Variants in MFAP3 observed in about 807,000 individuals in gnomAD.
The protein encoded by MFAP3 is microfibril-associated glycoprotein 3.
MFAP3 carries 8 observed loss-of-function variants against 20.5 expected under a neutral mutation model. The observed-to-expected ratio is 0.39, with a 90% CI of 0.23 to 0.70. MFAP3 has a LOEUF of 0.70. Among genes scored for constraint, MFAP3 ranks in the 30% least tolerant of loss-of-function variants. The probability of loss-of-function intolerance (pLI) is 0.44; values close to 1 mark genes in which losing one functional copy is unlikely to be tolerated. For synonymous variants in MFAP3, 140 were observed against 154.0 expected (o/e 0.91, Z 0.67); for missense variants, 398 against 444.6 (o/e 0.90, Z 0.94).
In MFAP3 at chr5:154,057,315, T is replaced by A. The variant is rs919209861; in HGVS notation, c.*3602T>A. Reference sequence around the variant, plus strand: ...CATTTCACAAAAGTAAATAAGTATTTCATATAATTCAGAGGATGTTTAAAT... The same window carrying A: ...CATTTCACAAAAGTAAATAAGTATTACATATAATTCAGAGGATGTTTAAAT... On this transcript the variant is annotated 3_prime_UTR_variant, in exon 3 of 3. Coordinates refer to ENST00000522782, the MANE Select transcript of MFAP3 (RefSeq NM_005927.5). 1.3e-5 allele frequency among the ~76,000 whole-genome samples: 2 copies of A among 152,242 alleles called. No homozygotes were observed. The highest frequency in any genetic ancestry group is 4.8e-5 in the African/African-American group (2 of 41,468).
intron 1 of MFAP3, among the ~76,000 whole-genome samples, chr5:154,042,670 G>A (rs959971414): frequency 1.3e-5 from 2 of 152,070 alleles, no homozygotes; most frequent in South Asian, 2.1e-4. Flanking sequence ...CCCCTTTGCC[G>A]ATTCAGAATG....
chr5:154,049,616 G>C lies in MFAP3; in HGVS notation c.-107G>C, dbSNP rs1581864690. The C allele has an allele frequency of 5.2e-6, 6 of 1,148,634 alleles. No individual in the cohort carries two copies. The African/African-American group carries it at 6.2e-5, about 12-fold the overall frequency. The allele number at this position is 1,148,634 out of a possible 1,614,324, so 71.2% of individuals were successfully genotyped here. A position where few individuals can be genotyped will look rare whatever the true frequency, so the allele number is the denominator to read the frequency against. ...GAAAATATAACTGGATCTACCACTT[G>C]TTTGGAAAATTTCTCTACCAAGCAA... On this transcript the variant is annotated 5_prime_UTR_variant, in exon 2 of 3. Coordinates refer to ENST00000522782, the MANE Select transcript of MFAP3 (RefSeq NM_005927.5).
chr5:154,049,011 C>T (rs749313767), intron 1 of MFAP3, among the ~76,000 whole-genome samples: 1 of 152,198 alleles, frequency 6.6e-6, no homozygotes, highest in Non-Finnish European at 1.5e-5. Context: ...AAACAACCCA[C>T]CTCAGGTGTC....
rs1773241558 is a variant in MFAP3 at position 154,053,175 on chromosome 5, T to C, written c.551T>C (p.Ile184Thr). The C allele has an allele frequency of 6.2e-7, 1 of 1,613,924 alleles. No homozygotes were observed. The highest frequency in any genetic ancestry group is 8.5e-7 in the Non-Finnish European group (1 of 1,179,908). Reference protein sequence around the residue: ...SSHLRKTEKAINEFFRTEGAE... With the variant: ...SSHLRKTEKATNEFFRTEGAE... ...CATCTTCGCAAGACTGAGAAGGCTA[T>C]CAATGAGTTCTTTAGAACTGAAGGG... is the stretch of plus-strand genomic sequence containing the variant. The change falls in exon 3 of 3, where the codon ATC becomes ACC. Residue 184 changes from isoleucine (I) to threonine (T), a missense_variant. By Grantham distance (89) the Ile-to-Thr change is moderately conservative. Coordinates refer to ENST00000522782, the MANE Select transcript of MFAP3 (RefSeq NM_005927.5).
At chr5:154,047,504 G>T (rs1034113903) in intron 1 of MFAP3, among the ~76,000 whole-genome samples, 7 of 152,014 alleles carry the variant, frequency 4.6e-5, no homozygotes, top group African/African-American at 1.7e-4. Flanking sequence ...GAGTTGTGGG[G>T]GGCTTTTTGT....
intron 1 of MFAP3, 94 bp from the exon 2 acceptor site, chr5:154,049,463 T>G: frequency 2.5e-6 from 1 of 398,292 alleles, no homozygotes; most frequent in South Asian, 3.1e-5. Flanking sequence ...CAGCACCAAT[T>G]ATTCTAATTA....
At chr5:154,041,168 C>T (rs1004595853) in intron 1 of MFAP3, among the ~76,000 whole-genome samples, 15 of 150,356 alleles carry the variant, frequency 1.0e-4, no homozygotes, top group African/African-American at 2.9e-4. Flanking sequence ...AGAGGGTGGG[C>T]ATGAGAGGGT....
chr5:154,057,275 A>G lies in MFAP3; in HGVS notation c.*3562A>G, dbSNP rs9159. ...TGCTCAGCCTTACATAGAAACTCCTAGATTTTCACTAACGCATTTCACAAA... is the reference window on the plus strand; with the variant it reads ...TGCTCAGCCTTACATAGAAACTCCTGGATTTTCACTAACGCATTTCACAAA... On this transcript the variant is annotated 3_prime_UTR_variant, in exon 3 of 3. Transcript: ENST00000522782. 0.036 allele frequency among the ~76,000 whole-genome samples: 5,478 copies of G among 152,294 alleles called. 246 individuals carry two copies. Among genetic ancestry groups the G allele is most frequent in the African/African-American group, 0.1 (4,210 of 41,550 alleles).
In MFAP3 at chr5:154,055,341, A is replaced by G. The variant is rs1581869759; in HGVS notation, c.*1628A>G. Among the ~76,000 whole-genome samples, 1 of 152,208 alleles carries G rather than the reference A, an allele frequency of 6.6e-6. No homozygotes were observed. Among genetic ancestry groups the G allele is most frequent in the East Asian group, 1.9e-4 (1 of 5,200 alleles). ...CCCTTTGTCCAGGCTTATCAGAAGTAATACATCTGCTCTGAATAGCATGAA... is the reference window on the plus strand; with the variant it reads ...CCCTTTGTCCAGGCTTATCAGAAGTGATACATCTGCTCTGAATAGCATGAA... On this transcript the variant is annotated 3_prime_UTR_variant, in exon 3 of 3. Coordinates refer to ENST00000522782, the MANE Select transcript of MFAP3 (RefSeq NM_005927.5).
intron 2 of MFAP3, among the ~76,000 whole-genome samples, chr5:154,052,201 G>A (rs771149859): frequency 6.6e-6 from 1 of 151,900 alleles, no homozygotes; most frequent in African/African-American, 2.4e-5. Flanking sequence ...CATCTTAAGG[G>A]CAACTTTATT....
chr5:154,043,516 G>A lies in MFAP3; in HGVS notation c.-167+4505G>A, dbSNP rs369004907. On this transcript the variant is annotated intron_variant, in intron 1 of 2. Transcript: ENST00000522782. ...CAGTGAGCCGAGATCTCACCATTGC[G>A]CTCCAGCCTGGGCAACAAGAGCGAA... Among the ~76,000 whole-genome samples, 81 of 151,878 alleles carry A rather than the reference G, an allele frequency of 5.3e-4. 4 individuals carry two copies. The highest frequency in any genetic ancestry group is 1.7e-3 in the Admixed American group (26 of 15,270).
rs1421805019 is a variant in MFAP3 at position 154,052,985 on chromosome 5, C to T, written c.361C>T (p.Leu121Phe). Residue 121 changes from leucine to phenylalanine, a missense_variant, in exon 3 of 3, where the codon CTC (leucine) becomes TTC (phenylalanine). Physicochemically the swap from Leu to Phe is conservative, Grantham distance 22 (BLOSUM62 0). Coordinates refer to ENST00000522782, the MANE Select transcript of MFAP3 (RefSeq NM_005927.5). ...ITNVAFDDRG[L>F]YTCFVTSPIR... ...CAATGTAGCTTTTGATGACCGTGGG[C>T]TCTATACCTGTTTCGTCACCTCTCC... is the stretch of plus-strand genomic sequence containing the variant. The T allele has an allele frequency of 6.2e-7, 1 of 1,613,678 alleles. No homozygotes were observed. Among genetic ancestry groups the T allele is most frequent in the Non-Finnish European group, 8.5e-7 (1 of 1,179,828 alleles).
In MFAP3 at chr5:154,053,461, T is replaced by C; in HGVS notation, c.837T>C (p.Ala279=). ...TTAAAGAGAGACCTGCCTTGAATGC[T>C]CAAGGTGGCATCTATGTCATTAACC... is the stretch of plus-strand genomic sequence containing the variant. The part of the protein sequence containing the change: ...ERIKERPALN[A]QGGIYVINPE... Residue 279 remains alanine (A), a synonymous_variant, in exon 3 of 3, where the codon GCT becomes GCC. Coordinates refer to ENST00000522782, the MANE Select transcript of MFAP3 (RefSeq NM_005927.5). 1 of 1,613,968 alleles carries C rather than the reference T, an allele frequency of 6.2e-7. No individual in the cohort carries two copies.
At chr5:154,047,766 C>A (rs944855617) in intron 1 of MFAP3, among the ~76,000 whole-genome samples, 3 of 151,956 alleles carry the variant, frequency 2.0e-5, no homozygotes, top group Non-Finnish European at 2.9e-5. Flanking sequence ...ACAACAACAA[C>A]AAAAAAGACA....
intron 1 of MFAP3, among the ~76,000 whole-genome samples, chr5:154,041,946 ATTATT>A (rs984741106): frequency 1.3e-4 from 20 of 152,358 alleles, no homozygotes; most frequent in African/African-American, 4.3e-4. Flanking sequence ...TACTGTTAAT[ATTATT>A]TTATTTAATA....
intron 2 of MFAP3, among the ~76,000 whole-genome samples, chr5:154,050,379 T>C (rs1406899373): frequency 2.0e-5 from 3 of 152,128 alleles, no homozygotes; most frequent in Non-Finnish European, 2.9e-5. Context: ...CCTAGACTAC[T>C]ATGTCAGTAG....
rs1337127713 is a variant in MFAP3 at position 154,054,724 on chromosome 5, C to G, written c.*1011C>G. The G allele has an allele frequency of 6.0e-6, 1 of 167,034 alleles. No homozygotes were observed. The highest frequency in any genetic ancestry group is 1.5e-5 in the Non-Finnish European group (1 of 68,116). 10.3% of individuals were successfully genotyped at this position (167,034 alleles called of 1,614,324 possible). A position where few individuals can be genotyped will look rare whatever the true frequency, so the allele number is the denominator to read the frequency against. On this transcript the variant is annotated 3_prime_UTR_variant, in exon 3 of 3. Coordinates refer to ENST00000522782, the MANE Select transcript of MFAP3 (RefSeq NM_005927.5). The stretch of plus-strand genomic sequence containing the variant: ...CCCAAAACTGGATTCCTCTTAAGAC[C>G]TCTGTCAACCCTCCTGCCCTTTGTG...
intron 1 of MFAP3, among the ~76,000 whole-genome samples, chr5:154,049,229 C>A (rs1226122870): frequency 6.6e-6 from 1 of 152,184 alleles, no homozygotes; most frequent in Non-Finnish European, 1.5e-5. Context: ...AGAATCATGG[C>A]ATTTCAGAAT....
At chr5:154,043,983 A>G (rs1308415521) in intron 1 of MFAP3, among the ~76,000 whole-genome samples, 1 of 152,238 alleles carries the variant, frequency 6.6e-6, no homozygotes, top group Non-Finnish European at 1.5e-5. Flanking sequence ...AGTGAATTGC[A>G]TTCCTAGAAC....
Sources: gnomAD v4.1 joint callset for allele counts (sites outside exome capture counted in the v4.1 genomes callset) on GRCh38, gnomAD v4.1.1 for gene constraint, MANE v1.5 for transcripts, NCBI Gene and HGNC (gene_info 2026-07-23, HGNC 2026-07-21) for gene names.